The following COQ8B variants were observed in gnomAD, a reference collection of about 807,000 sequenced individuals.
COQ8B encodes coenzyme Q8B.
In COQ8B, 44 loss-of-function variants were observed where a neutral mutation model predicts 62.0. That is an observed-to-expected ratio of 0.71 (90% CI 0.56 to 0.91). COQ8B has a LOEUF of 0.91. COQ8B is among the 40% of genes least tolerant of loss of function. COQ8B has a pLI of 0.00. For missense variants in COQ8B, 649 were observed against 731.6 expected (o/e 0.89, Z 1.30); for synonymous variants, 252 against 289.9 (o/e 0.87, Z 1.33).
At chr19:40,715,568 G>A in intron 1 of COQ8B, 1 of 985,396 alleles carries the variant, frequency 1.0e-6, no homozygotes, top group Non-Finnish European at 1.2e-6. Flanking sequence ...CTCCTTCCTT[G>A]TGCATATAAA....
At position 40,714,283 on chromosome 19, in the gene COQ8B, G is replaced by A. The variant is rs1164250541; in HGVS notation, c.217C>T (p.Pro73Ser). 5 of 1,612,126 alleles carry A rather than the reference G, an allele frequency of 3.1e-6. No individual in the cohort carries two copies. The highest frequency in any genetic ancestry group is 1.3e-5 in the African/African-American group (1 of 75,002). Residue 73 changes from proline to serine, a missense_variant, in exon 3 of 15, where the codon CCC becomes TCC. Coordinates refer to ENST00000324464, the MANE Select transcript of COQ8B (RefSeq NM_024876.4). ...GTGGGTGGGGGTAATGATACCTGGG[G>A]CCGGGGTGTCTTCCTGGGACGGGCC... is the stretch of plus-strand genomic sequence containing the variant. ...REARPRKTPR[P>S]QLSDRSRERK...
At chr19:40,701,608 C>T (rs189784785) in intron 10 of COQ8B, 89 of 152,302 alleles carry the variant, frequency 5.8e-4, no homozygotes, top group African/African-American at 2.0e-3. Flanking sequence ...CCTCATGAAC[C>T]GGAGCCATGT....
chr19:40,708,661 C>A (rs941689080), intron 5 of COQ8B, among the ~76,000 whole-genome samples: 2 of 152,132 alleles, frequency 1.3e-5, no homozygotes, highest in African/African-American at 4.8e-5. Flanking sequence ...GGTGTGGTGG[C>A]TCATGCCTGT....
chr19:40,712,713 C>G (rs2082152078), intron 4 of COQ8B, among the ~76,000 whole-genome samples: 2 of 152,208 alleles, frequency 1.3e-5, no homozygotes, highest in African/African-American at 2.4e-5. Flanking sequence ...CAGGTGCATG[C>G]ATATTTTCTG....
intron 1 of COQ8B, chr19:40,714,838 T>C (rs1454626409): frequency 4.5e-6 from 6 of 1,324,704 alleles, no homozygotes; most frequent in Non-Finnish European, 4.8e-6. Flanking sequence ...AAACCCACTT[T>C]CCCCCCTCTC....
chr19:40,710,031 C>G, intron 5 of COQ8B, 28 bp downstream of exon 5: 2 of 1,612,054 alleles, frequency 1.2e-6, no homozygotes, highest in Non-Finnish European at 1.7e-6. Context: ...AAGCCAGGAT[C>G]TGAACCCAGG....
At chr19:40,703,684 C>A (rs374572828) in intron 8 of COQ8B, 31 bp downstream of exon 8, 1 of 1,613,930 alleles carries the variant, frequency 6.2e-7, no homozygotes, top group South Asian at 1.1e-5. Flanking sequence ...GCAGGGTGCC[C>A]GCCCCTACCC....
chr19:40,692,468 A>C (rs1219811441), intron 14 of COQ8B, 95 bp from the exon 15 acceptor site: 1 of 1,079,146 alleles, frequency 9.3e-7, no homozygotes, highest in African/African-American at 1.6e-5. Flanking sequence ...CACTCCCTCC[A>C]GTCTCCACCA....
At position 40,692,272 on chromosome 19, in the gene COQ8B, T is replaced by C; in HGVS notation, c.1398A>G (p.Ile466Met). Residue 466 changes from isoleucine (I) to methionine (M), a missense_variant, in exon 15 of 15, where the codon ATA (isoleucine) becomes ATG (methionine). By Grantham distance (10) the Ile-to-Met change is conservative. Coordinates refer to ENST00000324464, the MANE Select transcript of COQ8B (RefSeq NM_024876.4). ...GCAGCAGCACCGGGATGAGGTCCTGTATGCGGCGGGCCGTTTCCCCCGACC... is the reference window on the plus strand; with the variant it reads ...GCAGCAGCACCGGGATGAGGTCCTGCATGCGGCGGGCCGTTTCCCCCGACC... ...DFGSGETARR[I>M]QDLIPVLLRH... The C allele has an allele frequency of 6.2e-7, 1 of 1,613,552 alleles. No homozygotes were observed. The highest frequency in any genetic ancestry group is 8.5e-7 in the Non-Finnish European group (1 of 1,179,758).
chr19:40,696,407 C>T (rs2082015565), intron 12 of COQ8B, among the ~76,000 whole-genome samples: 1 of 152,160 alleles, frequency 6.6e-6, no homozygotes, highest in Non-Finnish European at 1.5e-5. Flanking sequence ...TGGCTCACAC[C>T]TCTAACCCTA....
chr19:40,714,831 C>T, intron 1 of COQ8B, 196 bp from the exon 2 acceptor site: 1 of 1,351,898 alleles, frequency 7.4e-7, no homozygotes, highest in African/African-American at 1.5e-5. Context: ...CCTCCCAAAA[C>T]CCACTTTCCC....
chr19:40,700,276 C>A, intron 11 of COQ8B, 34 bp downstream of exon 11: 1 of 1,611,384 alleles, frequency 6.2e-7, no homozygotes, highest in Non-Finnish European at 8.5e-7. Flanking sequence ...GCCCTGGGGC[C>A]ATGCCCTTCC....
rs531989896 is a variant in COQ8B at position 40,700,144 on chromosome 19, G to A, written c.1066C>T (p.Arg356Trp). The change falls in exon 12 of 15, where the codon CGG (arginine) becomes TGG (tryptophan). Residue 356 changes from arginine to tryptophan, a missense_variant. Physicochemically the swap from Arg to Trp is moderately radical, Grantham distance 101 (BLOSUM62 -3). Coordinates refer to ENST00000324464, the MANE Select transcript of COQ8B (RefSeq NM_024876.4). Reference protein sequence around the residue: ...ICFQLLTLCLRELFEFRFMQT... With the variant: ...ICFQLLTLCLWELFEFRFMQT... Reference sequence around the variant, plus strand: ...ATGAATCGGAACTCAAACAGCTCCCGCAGACACAGCGTCAGGAGCTGGAAG... The same window carrying A: ...ATGAATCGGAACTCAAACAGCTCCCACAGACACAGCGTCAGGAGCTGGAAG... The A allele has an allele frequency of 7.4e-6, 12 of 1,614,226 alleles. No homozygotes were observed. The highest frequency in any genetic ancestry group is 2.2e-5 in the East Asian group (1 of 44,882).
intron 1 of COQ8B, 148 bp downstream of exon 1, chr19:40,716,439 G>A (rs2082185535): frequency 6.6e-6 from 1 of 152,260 alleles, no homozygotes; most frequent in East Asian, 1.9e-4. Context: ...TGCAAGCAAA[G>A]GGTAGAGGCC....
intron 5 of COQ8B, among the ~76,000 whole-genome samples, chr19:40,709,801 C>T (rs1173029935): frequency 6.6e-6 from 1 of 152,002 alleles, no homozygotes; most frequent in Non-Finnish European, 1.5e-5. Context: ...AAGACTGCGC[C>T]ATTGTACTCC....
intron 12 of COQ8B, among the ~76,000 whole-genome samples, chr19:40,696,581 C>A (rs897536162): frequency 2.0e-5 from 3 of 151,428 alleles, no homozygotes; most frequent in Admixed American, 1.3e-4. Flanking sequence ...AGGAGAATGG[C>A]TTGAACCTGG....
intron 5 of COQ8B, among the ~76,000 whole-genome samples, chr19:40,709,540 T>C (rs1480284041): frequency 6.6e-6 from 1 of 152,212 alleles, no homozygotes; most frequent in African/African-American, 2.4e-5. Flanking sequence ...ATGGCTTAAA[T>C]GTTTTCTCAG....
chr19:40,710,471 AACTCCTG>A (rs1428768655), intron 4 of COQ8B, among the ~76,000 whole-genome samples: 1 of 152,002 alleles, frequency 6.6e-6, no homozygotes, highest in African/African-American at 2.4e-5. Flanking sequence ...GCTGGTCTCG[AACTCCTG>A]ACCTCAGGTG....
intron 10 of COQ8B, 78 bp from the exon 11 acceptor site, chr19:40,700,529 C>A: frequency 1.3e-6 from 2 of 1,519,592 alleles, no homozygotes; most frequent in South Asian, 1.3e-5. Flanking sequence ...TCCTTGTGCT[C>A]TCAGAAGTCC....
Sources: gnomAD v4.1 joint callset for allele counts (sites outside exome capture counted in the v4.1 genomes callset) on GRCh38, gnomAD v4.1.1 for gene constraint, MANE v1.5 for transcripts, NCBI Gene and HGNC (gene_info 2026-07-23, HGNC 2026-07-21) for gene names.